LSM12: variants seen among roughly 807,000 people sequenced by gnomAD.
LSM12 encodes protein LSM12.
For missense variants in LSM12, 108 were observed against 238.9 expected, an observed-to-expected ratio of 0.45 and a Z score of 3.61; for synonymous variants, 74 against 87.3, an observed-to-expected ratio of 0.85 and a Z score of 0.85.
chr17:44,049,980 C>T (rs2049621338), intron 2 of LSM12, among the ~76,000 whole-genome samples: 1 of 152,214 alleles, frequency 6.6e-6, no homozygotes, highest in Admixed American at 6.5e-5. Context: ...ATGACGCCTG[C>T]AAGCCTGGTG....
chr17:44,050,965 A>C (rs1461233288), intron 2 of LSM12, among the ~76,000 whole-genome samples: 1 of 152,054 alleles, frequency 6.6e-6, no homozygotes, highest in Non-Finnish European at 1.5e-5. Context: ...AAACCCTACA[A>C]AAAATTTTTT....
Position 44,063,937 on chromosome 17 carries a change from G to T in LSM12, c.125-3C>A. 1 of 1,608,264 alleles carries T rather than the reference G, an allele frequency of 6.2e-7. No homozygotes were observed. Among genetic ancestry groups the T allele is most frequent in the Non-Finnish European group, 8.5e-7 (1 of 1,177,896 alleles). On this transcript the variant is annotated splice_region_variant and splice_polypyrimidine_tract_variant and intron_variant, in intron 1 of 4. Coordinates refer to ENST00000293406, the MANE Select transcript of LSM12 (RefSeq NM_001371445.1). The stretch of plus-strand genomic sequence containing the variant: ...CTTTCCACTGGAAGAGGGACATTCT[G>T]GTGAGAAAAAAAAAAGTTAAGGAAA...
chr17:44,037,881 T>C (rs1597881386), intron 3 of LSM12, among the ~76,000 whole-genome samples: 1 of 152,282 alleles, frequency 6.6e-6, no homozygotes, highest in South Asian at 2.1e-4. Flanking sequence ...CTCTTAAGGG[T>C]CTTGTAACAA....
intron 2 of LSM12, among the ~76,000 whole-genome samples, chr17:44,055,651 TG>T (rs2049702152): frequency 6.7e-6 from 1 of 148,512 alleles, no homozygotes; most frequent in African/African-American, 2.5e-5. Context: ...CACTCTAGCC[TG>T]GGTGAGAGTG....
At chr17:44,052,090 A>G (rs1038746480) in intron 2 of LSM12, among the ~76,000 whole-genome samples, 1 of 152,078 alleles carries the variant, frequency 6.6e-6, no homozygotes, top group South Asian at 2.1e-4. Context: ...CCTGGGTGAC[A>G]GCAAGACTCC....
chr17:44,036,576 C>T (rs772036201), intron 4 of LSM12, among the ~76,000 whole-genome samples: 5 of 152,104 alleles, frequency 3.3e-5, no homozygotes, highest in Admixed American at 2.0e-4. Flanking sequence ...TTATCATGAC[C>T]TAAACTCCTC....
intron 1 of LSM12, 100 bp downstream of exon 1, chr17:44,066,364 T>C: frequency 9.7e-6 from 14 of 1,446,008 alleles, no homozygotes; most frequent in Non-Finnish European, 1.3e-5. Flanking sequence ...CGGTCGCCCC[T>C]AGGCCCGGAG....
Position 44,040,269 on chromosome 17 carries a change from A to T in LSM12, c.259-13T>A. 6.3e-7 allele frequency: 1 copy of T among 1,593,108 alleles called. No homozygotes were observed. The highest frequency in any genetic ancestry group is 1.3e-5 in the African/African-American group (1 of 74,642). On this transcript the variant is annotated splice_polypyrimidine_tract_variant and intron_variant, in intron 2 of 4. Coordinates refer to ENST00000293406, the MANE Select transcript of LSM12 (RefSeq NM_001371445.1). ...CTTTGCTGGCAAGCTAGGGTGGAAG[A>T]GAGGAAAGAGACTCAGAATAGGATT...
intron 2 of LSM12, among the ~76,000 whole-genome samples, chr17:44,055,452 AG>A (rs1329998881): frequency 1.4e-5 from 2 of 147,166 alleles, no homozygotes; most frequent in Non-Finnish European, 3.0e-5. Context: ...ATCTGAGCTC[AG>A]GAGTTCAAGA....
intron 2 of LSM12, among the ~76,000 whole-genome samples, chr17:44,055,102 G>A (rs1478497480): frequency 1.3e-5 from 2 of 150,946 alleles, no homozygotes; most frequent in Non-Finnish European, 3.0e-5. Context: ...TGCCCGCCTC[G>A]GCCTCCCAAA....
At chr17:44,043,722 A>G (rs1333711129) in intron 2 of LSM12, among the ~76,000 whole-genome samples, 2 of 151,626 alleles carry the variant, frequency 1.3e-5, no homozygotes, top group African/African-American at 4.8e-5. Flanking sequence ...TAATCCCAGC[A>G]TTTTGGGAGG....
At chr17:44,054,484 A>G (rs2049684899) in intron 2 of LSM12, among the ~76,000 whole-genome samples, 1 of 151,906 alleles carries the variant, frequency 6.6e-6, no homozygotes, top group African/African-American at 2.4e-5. Flanking sequence ...CTAATTTTGT[A>G]TTTTTTGTAC....
chr17:44,054,062 G>C (rs1021232651), intron 2 of LSM12, among the ~76,000 whole-genome samples: 3 of 152,136 alleles, frequency 2.0e-5, no homozygotes, highest in Non-Finnish European at 4.4e-5. Flanking sequence ...CCTGGGCTCA[G>C]CAATTTATCT....
chr17:44,046,747 CTTTTT>C (rs1161246881), intron 2 of LSM12, among the ~76,000 whole-genome samples: 2 of 112,492 alleles, frequency 1.8e-5, no homozygotes, highest in African/African-American at 3.3e-5. Context: ...AAACTGTTTT[CTTTTT>C]TTTTTTCTTT....
intron 2 of LSM12, among the ~76,000 whole-genome samples, chr17:44,040,666 C>A (rs1007969465): frequency 6.6e-6 from 1 of 151,906 alleles, no homozygotes; most frequent in East Asian, 1.9e-4. Flanking sequence ...AAATGATGGT[C>A]AGAGATTTAA....
chr17:44,057,842 C>T (rs2049738726), intron 2 of LSM12, among the ~76,000 whole-genome samples: 1 of 151,980 alleles, frequency 6.6e-6, no homozygotes, highest in Non-Finnish European at 1.5e-5. Flanking sequence ...AAGTGAGAGC[C>T]TAGTGTAATG....
rs2049405640 is a variant in LSM12 at position 44,035,642 on chromosome 17, A to C, written c.*566T>G. ...TATTTTCATATATATATTTAAAGTT[A>C]AGAAAAATAAAACTAATTCAAGCCA... On this transcript the variant is annotated 3_prime_UTR_variant, in exon 5 of 5. Transcript: ENST00000293406. 9.2e-6 allele frequency: 1 copy of C among 108,756 alleles called. No homozygotes were observed. The highest frequency in any genetic ancestry group is 1.9e-5 in the Non-Finnish European group (1 of 53,468). The allele number at this position is 108,756 out of a possible 1,614,324, so 6.7% of individuals were successfully genotyped here. A position where few individuals can be genotyped will look rare whatever the true frequency, so the allele number is the denominator to read the frequency against.
chr17:44,040,838 A>C (rs2049478228), intron 2 of LSM12, among the ~76,000 whole-genome samples: 1 of 145,140 alleles, frequency 6.9e-6, no homozygotes, highest in Non-Finnish European at 1.5e-5. Flanking sequence ...AAAAAAAATT[A>C]GCCAGGCGTG....
intron 1 of LSM12, 23 bp downstream of exon 1, chr17:44,066,441 G>T (rs1284167949): frequency 1.9e-6 from 3 of 1,549,868 alleles, no homozygotes; most frequent in Non-Finnish European, 2.6e-6. Context: ...GCCCGGACTC[G>T]GGCTTCACGC....
Sources: allele counts gnomAD v4.1 joint callset (sites outside exome capture counted in the v4.1 genomes callset), GRCh38; gene constraint gnomAD v4.1.1; transcripts MANE v1.5; gene names NCBI Gene and HGNC (gene_info 2026-07-23, HGNC 2026-07-21).